TSBP1: variants seen among roughly 807,000 people sequenced by gnomAD.
The protein encoded by TSBP1 is testis-expressed basic protein 1.
A neutral mutation model predicts 68.8 loss-of-function variants in TSBP1; 56 were observed. The ratio of observed to expected loss-of-function variants is 0.81; its 90% CI spans 0.66 to 1.02. The LOEUF (loss-of-function observed/expected upper bound fraction) is 1.02. Ranked by LOEUF, TSBP1 falls within the 50% of genes least tolerant of loss-of-function variation. The probability of loss-of-function intolerance (pLI) is 0.00; values close to 1 mark genes in which losing one functional copy is unlikely to be tolerated. For synonymous variants in TSBP1, 171 were observed against 208.7 expected, an observed-to-expected ratio of 0.82 and a Z score of 1.56; for missense variants, 502 against 641.2, an observed-to-expected ratio of 0.78 and a Z score of 2.34.
intron 9 of TSBP1, among the ~76,000 whole-genome samples, chr6:32,341,651 T>C (rs1243924258): frequency 6.6e-6 from 1 of 152,220 alleles, no homozygotes; most frequent in Non-Finnish European, 1.5e-5. Flanking sequence ...CAGTATCATA[T>C]GGTTGTGGCC....
rs545945431 is a variant in TSBP1, at chr6:32,360,846, CATTTT to C, written c.218-5182_218-5178del. ...AAAATGTCTATTTAGGTCCTTAGTCCATTTTATTTTATTTTATTTTGTTTTTTTCT... is the reference window on the plus strand; with the variant it reads ...AAAATGTCTATTTAGGTCCTTAGTCCATTTTATTTTATTTTGTTTTTTTCT... On this transcript the variant is annotated intron_variant, in intron 6 of 22. Transcript: ENST00000612031. Among the ~76,000 whole-genome samples the C allele has an allele frequency of 7.3e-4, 110 of 151,256 alleles. No homozygotes were observed. The Middle Eastern group carries it at 0.01, about 14-fold the overall frequency.
At chr6:32,342,417 G>A (rs3129902) in intron 9 of TSBP1, among the ~76,000 whole-genome samples, 64,021 of 151,968 alleles carry the variant, frequency 0.42, 14,378 homozygotes, top group African/African-American at 0.55. Context: ...GCCTCCTAAA[G>A]TGTCATGATT....
intron 9 of TSBP1, among the ~76,000 whole-genome samples, chr6:32,341,657 T>C (rs2143464): frequency 0.34 from 51,111 of 152,028 alleles, 9,653 homozygotes; most frequent in Middle Eastern, 0.52. Flanking sequence ...CATATGGTTG[T>C]GGCCTGAGTT....
At position 32,365,714 on chromosome 6, in the gene TSBP1, T is replaced by A. The variant is rs1167712388; in HGVS notation, c.217+453A>T. ...GTCTCAGCATTGAGTTGTGCCACCTTGGGGGAGGAGTGATGTGGGTAAAGT... is the reference window on the plus strand; with the variant it reads ...GTCTCAGCATTGAGTTGTGCCACCTAGGGGGAGGAGTGATGTGGGTAAAGT... On this transcript the variant is annotated intron_variant, in intron 6 of 22. Coordinates refer to ENST00000612031, the Ensembl canonical transcript of TSBP1. This position sits in a 1 kb window ranked among gnomAD's most constrained non-coding sequence, Gnocchi z 4.3. 2 of 430,976 alleles carry A rather than the reference T, an allele frequency of 4.6e-6. No homozygotes were observed. The highest frequency in any genetic ancestry group is 9.3e-6 in the Non-Finnish European group (2 of 214,208). The allele number at this position is 430,976 out of a possible 1,614,324, so 26.7% of individuals were successfully genotyped here.
chr6:32,364,119 T>G (rs1443623975), intron 6 of TSBP1, among the ~76,000 whole-genome samples: 1 of 152,228 alleles, frequency 6.6e-6, no homozygotes, highest in East Asian at 1.9e-4. Flanking sequence ...GATGTACCTT[T>G]AAATGTGATA....
chr6:32,332,098 G>A, intron 14 of TSBP1, 44 bp from the exon 16 acceptor site: 1 of 1,450,156 alleles, frequency 6.9e-7, no homozygotes, highest in East Asian at 2.3e-5. Context: ...GTTATTTGGA[G>A]AGTGTATTTT....
In TSBP1 at chr6:32,365,466, G is replaced by A. The variant is rs9268361; in HGVS notation, c.217+701C>T. 0.25 allele frequency: 115,965 copies of A among 456,546 alleles called. 16,890 individuals are homozygous for A. Among genetic ancestry groups the A allele is most frequent in the African/African-American group, 0.44 (22,134 of 50,058 alleles). The allele number at this position is 456,546 out of a possible 1,614,324, so 28.3% of individuals were successfully genotyped here. A position where few individuals can be genotyped will look rare whatever the true frequency, so the allele number is the denominator to read the frequency against. On this transcript the variant is annotated intron_variant, in intron 6 of 22. Transcript: ENST00000612031. The surrounding 1 kb of genome is among the most constrained non-coding windows in gnomAD (Gnocchi z 4.3). ...GGAGCATAGGTCACGCATCTCAAAT[G>A]GCAGGCTTTCTGATGAGGCTTTCTG...
intron 1 of TSBP1, among the ~76,000 whole-genome samples, chr6:32,370,407 G>GTGTGTGTGTATATATATATATA (rs1241237254): frequency 1.5e-5 from 2 of 130,688 alleles, no homozygotes; most frequent in Non-Finnish European, 3.3e-5. Context: ...AAGATTTTCT[G>GTGTGTGTGTATATATATATATA]TATATATATA....
chr6:32,331,668 T>C (rs1048967701), intron 15 of TSBP1, among the ~76,000 whole-genome samples: 1 of 152,114 alleles, frequency 6.6e-6, no homozygotes, highest in Non-Finnish European at 1.5e-5. Flanking sequence ...CCCCTCATCA[T>C]GGGAACATCT....
chr6:32,311,081 T>C (rs1766359716), intron 19 of TSBP1, among the ~76,000 whole-genome samples: 1 of 152,142 alleles, frequency 6.6e-6, no homozygotes. Context: ...TTCTCTTGAG[T>C]GCTGCGAGAC....
chr6:32,325,338 C>A lies in TSBP1; in HGVS notation c.515-1724G>T. ...GCCATTTTGAGCAGTGAGGGACACT[C>A]CCGGACAGTGTGGTCATGAGAGATC... On this transcript the variant is annotated intron_variant, in intron 16 of 22. Coordinates refer to ENST00000612031, the Ensembl canonical transcript of TSBP1. This position sits in a 1 kb window ranked among gnomAD's most constrained non-coding sequence, Gnocchi z 4.4. 2.8e-6 allele frequency: 3 copies of A among 1,089,364 alleles called. No individual in the cohort carries two copies. Among genetic ancestry groups the A allele is most frequent in the South Asian group, 2.5e-5 (2 of 79,918 alleles). The allele number at this position is 1,089,364 out of a possible 1,614,324, so 67.5% of individuals were successfully genotyped here.
chr6:32,353,843 G>C (rs1771978242), intron 8 of TSBP1, among the ~76,000 whole-genome samples: 1 of 151,858 alleles, frequency 6.6e-6, no homozygotes. Flanking sequence ...CCTCTAGTTG[G>C]TTTTCCAGAT....
intron 9 of TSBP1, 101 bp from the exon 11 acceptor site, chr6:32,339,739 T>A: frequency 1.7e-6 from 1 of 600,616 alleles, no homozygotes; most frequent in South Asian, 2.1e-5. Context: ...TCAGGTGTGG[T>A]ACAAACAGTC....
rs1241237254 is a variant in TSBP1 at position 32,370,407 on chromosome 6, G to GTGTGTGTATATA, written c.14-425_14-424insTATATACACACA. ...TACCTTTAAAGTTGCAAGATTTTCT[G>GTGTGTGTATATA]TATATATATATATATATATATATAT... On this transcript the variant is annotated intron_variant, in intron 1 of 22. Coordinates refer to ENST00000612031, the Ensembl canonical transcript of TSBP1. Among the ~76,000 whole-genome samples the GTGTGTGTATATA allele has an allele frequency of 2.9e-3, 377 of 130,680 alleles. 6 individuals carry two copies. The highest frequency in any genetic ancestry group is 0.012 in the Middle Eastern group (3 of 256). 85.7% of individuals were successfully genotyped at this position (130,680 alleles called of 152,430 possible). A position where few individuals can be genotyped will look rare whatever the true frequency, so the allele number is the denominator to read the frequency against.
intron 10 of TSBP1, 31 bp from the exon 12 acceptor site, chr6:32,339,030 A>C: frequency 6.3e-7 from 1 of 1,596,076 alleles, no homozygotes. Flanking sequence ...GTGAGTTTGA[A>C]GAGAGCATGA....
intron 8 of TSBP1, chr6:32,353,095 A>G (rs1329546622): frequency 1.3e-5 from 2 of 152,006 alleles, no homozygotes; most frequent in Admixed American, 6.5e-5. Context: ...TTTTACCCAT[A>G]GATATACATA....
chr6:32,362,572 G>A (rs924651053), intron 6 of TSBP1, among the ~76,000 whole-genome samples: 19 of 152,316 alleles, frequency 1.2e-4, no homozygotes, highest in Non-Finnish European at 2.6e-4. Flanking sequence ...TATATGGTTT[G>A]CAAATATTTT....
chr6:32,371,817 G>A (rs1039083413), exon 1 of TSBP1: 2 of 1,285,196 alleles, frequency 1.6e-6, no homozygotes, highest in African/African-American at 1.4e-5. Flanking sequence ...ATATGAACTT[G>A]GGTGTCAGGG....
intron 1 of TSBP1, among the ~76,000 whole-genome samples, chr6:32,370,734 T>C (rs1774314095): frequency 6.6e-6 from 1 of 152,058 alleles, no homozygotes; most frequent in African/African-American, 2.4e-5. Flanking sequence ...TTATGTGTCA[T>C]TGATCTGCAT....
Sources: allele counts gnomAD v4.1 joint callset (sites outside exome capture counted in the v4.1 genomes callset), GRCh38; gene constraint gnomAD v4.1.1; non-coding constraint Gnocchi (gnomAD v3.1); transcripts MANE v1.5; gene names NCBI Gene and HGNC (gene_info 2026-07-23, HGNC 2026-07-21).